STK33: variants seen among roughly 807,000 people sequenced by gnomAD.
The protein encoded by STK33 is serine/threonine-protein kinase 33.
STK33 carries 52 observed loss-of-function variants against 58.0 expected under a neutral mutation model. The observed-to-expected ratio is 0.90, with a 90% CI of 0.72 to 1.13. The LOEUF (loss-of-function observed/expected upper bound fraction) is 1.13. Ranked by LOEUF, STK33 falls within the 50% of genes most tolerant of loss-of-function variation. STK33 has a pLI of 0.00. For missense variants in STK33, 630 were observed against 604.2 expected, an observed-to-expected ratio of 1.04 and a Z score of -0.45; for synonymous variants, 215 against 200.1, an observed-to-expected ratio of 1.07 and a Z score of -0.63.
Position 8,436,049 on chromosome 11 carries a change from G to C in STK33, c.1038C>G (p.Val346=), listed in dbSNP as rs780059535. 2 of 1,585,876 alleles carry C rather than the reference G, an allele frequency of 1.3e-6. No homozygotes were observed. Among genetic ancestry groups the C allele is most frequent in the Non-Finnish European group, 1.7e-6 (2 of 1,166,432 alleles). ...TACCACAGTCACTTATGGAATTCCA[G>C]ACTGCATTTTCAAAATGTAGTTCTC... ...RKGELHFENA[V]WNSISDCAKS... The change falls in exon 13 of 16, where the codon GTC becomes GTG. Residue 346 remains valine, a synonymous_variant. Coordinates refer to ENST00000687296, the MANE Select transcript of STK33 (RefSeq NM_001352389.2).
At chr11:8,512,375 A>G (rs1952405997) in intron 1 of STK33, among the ~76,000 whole-genome samples, 1 of 152,184 alleles carries the variant, frequency 6.6e-6, no homozygotes, top group African/African-American at 2.4e-5. Flanking sequence ...ATACAATCTA[A>G]CATAAAATGT....
Position 8,439,327 on chromosome 11 carries a change from ATGG to A in STK33, c.947+1348_947+1350del, listed in dbSNP as rs1220976697. Among the ~76,000 whole-genome samples the A allele has an allele frequency of 2.6e-4, 40 of 152,256 alleles. No individual in the cohort carries two copies. In the East Asian group the frequency reaches 7.7e-3, roughly 29 times the overall value. ...GATACAATATATATAATATTATAAT[ATGG>A]TTTTTAAAAGCTTTATGAGGATACA... On this transcript the variant is annotated intron_variant, in intron 12 of 15. Transcript: ENST00000687296.
chr11:8,385,718 C>A, the STK33 span, among the ~76,000 whole-genome samples: 6 of 152,020 alleles, frequency 3.9e-5, no homozygotes, highest in African/African-American at 1.4e-4. Flanking sequence ...CAGTGCCTGG[C>A]ACATGGTAGG....
At chr11:8,518,287 A>C (rs1178877362) in intron 1 of STK33, among the ~76,000 whole-genome samples, 1 of 152,204 alleles carries the variant, frequency 6.6e-6, no homozygotes, top group Non-Finnish European at 1.5e-5. Context: ...AGACAAGCAA[A>C]TGCTGAGAGA....
intron 8 of STK33, among the ~76,000 whole-genome samples, chr11:8,459,973 G>A (rs561342361): frequency 3.9e-4 from 59 of 152,310 alleles, no homozygotes; most frequent in South Asian, 1.5e-3. Context: ...GGTAAACCTC[G>A]TAATTCATGG....
intron 15 of STK33, 43 bp downstream of exon 15, chr11:8,413,452 G>A: frequency 6.2e-7 from 1 of 1,600,046 alleles, no homozygotes; most frequent in Non-Finnish European, 8.6e-7. Flanking sequence ...GTGTGGTGAG[G>A]GTATTTTACA....
the STK33 span, among the ~76,000 whole-genome samples, chr11:8,381,586 C>A: frequency 0.013 from 1,959 of 152,214 alleles, 36 homozygotes; most frequent in African/African-American, 0.044. Context: ...GATCACCTAG[C>A]ACCCAGCACC....
Position 8,464,521 on chromosome 11 carries a change from G to A in STK33, c.453+188C>T, listed in dbSNP as rs549171424. On this transcript the variant is annotated intron_variant, in intron 7 of 15. Transcript: ENST00000687296. ...CATTTGTTTTTTCCAGGCAGCACTTGCCTACTTGAGTTCAGAAACTAGTCC... is the reference window on the plus strand; with the variant it reads ...CATTTGTTTTTTCCAGGCAGCACTTACCTACTTGAGTTCAGAAACTAGTCC... 1.6e-3 allele frequency among the ~76,000 whole-genome samples: 236 copies of A among 152,170 alleles called. No homozygotes were observed. The highest frequency in any genetic ancestry group is 5.1e-3 in the African/African-American group (211 of 41,516).
At chr11:8,527,648 T>G (rs2140043742) in intron 1 of STK33, among the ~76,000 whole-genome samples, 1 of 152,218 alleles carries the variant, frequency 6.6e-6, no homozygotes, top group South Asian at 2.1e-4. Context: ...CAATACATAG[T>G]AAACAGATGG....
rs193267042 is a variant in STK33 at position 8,464,586 on chromosome 11, G to A, written c.453+123C>T. On this transcript the variant is annotated intron_variant, in intron 7 of 15. Coordinates refer to ENST00000687296, the MANE Select transcript of STK33 (RefSeq NM_001352389.2). ...AGAGAAATGCCACGCTTCTCTGGGG[G>A]ATCAGCCCAGGCCTGGGACCTCAGG... The A allele has an allele frequency of 4.3e-4, 228 of 529,898 alleles. 1 individual carries two copies. In the East Asian group the frequency reaches 5.7e-3, roughly 13 times the overall value. 32.8% of individuals were successfully genotyped at this position (529,898 alleles called of 1,614,324 possible). A position where few individuals can be genotyped will look rare whatever the true frequency, so the allele number is the denominator to read the frequency against.
intron 1 of STK33, among the ~76,000 whole-genome samples, chr11:8,515,537 A>C (rs955459368): frequency 1.3e-5 from 2 of 152,302 alleles, no homozygotes; most frequent in African/African-American, 4.8e-5. Context: ...CGAAAAAGGA[A>C]AACTACATGA....
At chr11:8,591,401 G>A (rs574000167) in intron 1 of STK33, among the ~76,000 whole-genome samples, 44 of 152,264 alleles carry the variant, frequency 2.9e-4, no homozygotes, top group East Asian at 1.7e-3. Context: ...CTTTCTAAGC[G>A]TAAAAGCAAT....
At position 8,457,387 on chromosome 11, in the gene STK33, C is replaced by T; in HGVS notation, c.651G>A (p.Trp217Ter). The change falls in exon 9 of 16, where the codon TGG becomes TGA. Residue 217 changes from tryptophan (W) to a stop codon, truncating the protein, a stop_gained. Coordinates refer to ENST00000687296, the MANE Select transcript of STK33 (RefSeq NM_001352389.2). LOFTEE classifies it high-confidence loss of function. ...TAGCTGATGCGAGACTTTGAATGAT[C>T]CACCTTGTCTCATTCTCTGAGAAAT... ...KGHFSENETR[W>*]IIQSLASAIA... The T allele has an allele frequency of 6.2e-7, 1 of 1,606,010 alleles. No homozygotes were observed. The highest frequency in any genetic ancestry group is 8.5e-7 in the Non-Finnish European group (1 of 1,174,412).
the STK33 span, among the ~76,000 whole-genome samples, chr11:8,384,457 C>G: frequency 6.6e-6 from 1 of 152,200 alleles, no homozygotes; most frequent in Non-Finnish European, 1.5e-5. Flanking sequence ...TGCGGGAGGT[C>G]GGACATTAGC....
chr11:8,421,708 G>A (rs1201296321), intron 14 of STK33, among the ~76,000 whole-genome samples: 1 of 152,058 alleles, frequency 6.6e-6, no homozygotes, highest in East Asian at 1.9e-4. Flanking sequence ...ACATGATTGT[G>A]ATATATCTTT....
At chr11:8,588,109 C>T (rs1038881114) in intron 1 of STK33, among the ~76,000 whole-genome samples, 1 of 152,114 alleles carries the variant, frequency 6.6e-6, no homozygotes, top group Non-Finnish European at 1.5e-5. Context: ...CTTTCCATTC[C>T]CTTATAAGGT....
chr11:8,439,678 T>C (rs1944474983), intron 12 of STK33, among the ~76,000 whole-genome samples: 1 of 151,484 alleles, frequency 6.6e-6, no homozygotes, highest in South Asian at 2.1e-4. Flanking sequence ...AAATGTGACC[T>C]GGAATCATTA....
intron 1 of STK33, among the ~76,000 whole-genome samples, chr11:8,519,924 G>A (rs893139962): frequency 1.1e-4 from 17 of 152,146 alleles, no homozygotes; most frequent in African/African-American, 3.1e-4. Context: ...ACAAAGAGGA[G>A]CTGGTACCAT....
chr11:8,460,591 G>A (rs1947398764), intron 8 of STK33, among the ~76,000 whole-genome samples: 1 of 152,004 alleles, frequency 6.6e-6, no homozygotes, highest in Non-Finnish European at 1.5e-5. Context: ...CACAAAGTGG[G>A]GTGAGGGGAA....
Sources: allele counts gnomAD v4.1 joint callset (sites outside exome capture counted in the v4.1 genomes callset), GRCh38; gene constraint gnomAD v4.1.1; transcripts MANE v1.5; gene names NCBI Gene and HGNC (gene_info 2026-07-23, HGNC 2026-07-21).